Variants in FOXK2 observed in about 807,000 individuals in gnomAD.
The protein encoded by FOXK2 is forkhead box protein K2.
In FOXK2, 24 loss-of-function variants were observed where a neutral mutation model predicts 53.3. The ratio of observed to expected loss-of-function variants is 0.45; its 90% CI spans 0.33 to 0.63. The LOEUF (loss-of-function observed/expected upper bound fraction) is 0.63, where lower values mean the gene tolerates loss of function less well. Among genes scored for constraint, FOXK2 ranks in the 30% least tolerant of loss-of-function variants. The pLI is 0.03. For missense variants in FOXK2, 952 were observed against 910.5 expected (o/e 1.05, Z -0.59); for synonymous variants, 505 against 407.1 (o/e 1.24, Z -2.89).
chr17:82,564,384 T>TTTTG (rs796416861), intron 2 of FOXK2, among the ~76,000 whole-genome samples: 2 of 121,474 alleles, frequency 1.6e-5, no homozygotes, highest in South Asian at 3.1e-4. Context: ...GCTGGTTTTT[T>TTTTG]TTTGTTTGTT....
chr17:82,558,413 C>T (rs2044755599), intron 1 of FOXK2, among the ~76,000 whole-genome samples: 1 of 152,202 alleles, frequency 6.6e-6, no homozygotes, highest in Admixed American at 6.5e-5. Context: ...GGAGAGCACT[C>T]AGCCGGGTCT....
At chr17:82,567,820 A>G (rs2044868403) in intron 2 of FOXK2, among the ~76,000 whole-genome samples, 1 of 152,038 alleles carries the variant, frequency 6.6e-6, no homozygotes, top group Non-Finnish European at 1.5e-5. Context: ...GCTGACGTTT[A>G]TAGAAGCAAA....
At chr17:82,582,286 G>A (rs769519993) in intron 4 of FOXK2, among the ~76,000 whole-genome samples, 1 of 152,122 alleles carries the variant, frequency 6.6e-6, no homozygotes, top group Non-Finnish European at 1.5e-5. Context: ...CTCTGTCTGC[G>A]CTGTGTGGAT....
At chr17:82,567,065 C>CT (rs1372727309) in intron 2 of FOXK2, among the ~76,000 whole-genome samples, 1 of 152,148 alleles carries the variant, frequency 6.6e-6, no homozygotes, top group Non-Finnish European at 1.5e-5. Context: ...CTAAGAAGCA[C>CT]TGCAGAGGGT....
intron 3 of FOXK2, among the ~76,000 whole-genome samples, chr17:82,568,559 A>T (rs1207794718): frequency 2.0e-5 from 3 of 152,142 alleles, no homozygotes; most frequent in African/African-American, 7.2e-5. Flanking sequence ...ATGCAAATGC[A>T]CACCCTGCCA....
At chr17:82,523,535 T>C (rs2044387843) in intron 1 of FOXK2, among the ~76,000 whole-genome samples, 1 of 151,708 alleles carries the variant, frequency 6.6e-6, no homozygotes, top group East Asian at 1.9e-4. Flanking sequence ...TGCAATGGTA[T>C]GATCTCGGCT....
intron 1 of FOXK2, among the ~76,000 whole-genome samples, chr17:82,552,410 G>C (rs1003599990): frequency 6.6e-6 from 1 of 152,030 alleles, no homozygotes; most frequent in Admixed American, 6.6e-5. Flanking sequence ...GAACTGCTAT[G>C]GCAACTGTGT....
At chr17:82,542,385 G>A (rs568677348) in intron 1 of FOXK2, among the ~76,000 whole-genome samples, 2 of 152,080 alleles carry the variant, frequency 1.3e-5, no homozygotes, top group Admixed American at 6.6e-5. Context: ...GGCTGGTCTC[G>A]AACTCCTGAA....
At chr17:82,582,407 G>C (rs771219774) in intron 4 of FOXK2, among the ~76,000 whole-genome samples, 4 of 152,180 alleles carry the variant, frequency 2.6e-5, no homozygotes, top group Non-Finnish European at 5.9e-5. Flanking sequence ...GGGCTGAAGG[G>C]CTCAAACCCC....
intron 8 of FOXK2, among the ~76,000 whole-genome samples, chr17:82,591,139 C>T (rs1337834352): frequency 1.3e-5 from 2 of 152,128 alleles, no homozygotes; most frequent in Non-Finnish European, 2.9e-5. Context: ...CCTTGCAGGA[C>T]AGCAGGTGGC....
At chr17:82,582,337 G>A (rs1245070941) in intron 4 of FOXK2, among the ~76,000 whole-genome samples, 1 of 152,110 alleles carries the variant, frequency 6.6e-6, no homozygotes, top group Non-Finnish European at 1.5e-5. Flanking sequence ...CCTGCCTCCC[G>A]GGGCCCGTTC....
intron 1 of FOXK2, among the ~76,000 whole-genome samples, chr17:82,554,136 G>A (rs1489193585): frequency 6.6e-6 from 1 of 152,140 alleles, no homozygotes; most frequent in Non-Finnish European, 1.5e-5. Flanking sequence ...GTGGCCTCAA[G>A]TACTTTTTTG....
chr17:82,529,595 A>G (rs2144048447), intron 1 of FOXK2, among the ~76,000 whole-genome samples: 1 of 152,224 alleles, frequency 6.6e-6, no homozygotes. Flanking sequence ...CATGTTGGCC[A>G]GGCTGATCTC....
chr17:82,530,571 C>T (rs1267129053), intron 1 of FOXK2, among the ~76,000 whole-genome samples: 13 of 139,302 alleles, frequency 9.3e-5, no homozygotes, highest in South Asian at 9.2e-4. Flanking sequence ...AGTGCAGTGG[C>T]GCCATCTCAG....
chr17:82,591,268 A>T (rs980163188), intron 8 of FOXK2, among the ~76,000 whole-genome samples: 1 of 151,976 alleles, frequency 6.6e-6, no homozygotes, highest in Non-Finnish European at 1.5e-5. Context: ...TCCTGCTTCC[A>T]TAGGGGTCTC....
intron 8 of FOXK2, chr17:82,599,780 G>A (rs1168457341): frequency 1.3e-5 from 2 of 152,310 alleles, no homozygotes; most frequent in Non-Finnish European, 2.9e-5. Context: ...CCCTGCAGGG[G>A]ACTGCGAGTA....
chr17:82,596,834 C>A lies in FOXK2; in HGVS notation c.1787-4469C>A, dbSNP rs184257617. Among the ~76,000 whole-genome samples, 40 of 152,304 alleles carry A rather than the reference C, an allele frequency of 2.6e-4. 1 individual carries two copies. In the East Asian group the frequency reaches 4.5e-3, roughly 17 times the overall value. On this transcript the variant is annotated intron_variant, in intron 8 of 8. Coordinates refer to ENST00000335255, the MANE Select transcript of FOXK2 (RefSeq NM_004514.4). ...GTTTGTTTTATTCCACAGACCACCC[C>A]CTCCCCATCTTCTCACCTACTTCAG...
chr17:82,532,213 C>T (rs1460153354), intron 1 of FOXK2, among the ~76,000 whole-genome samples: 1 of 151,434 alleles, frequency 6.6e-6, no homozygotes, highest in Non-Finnish European at 1.5e-5. Flanking sequence ...GGCGCGTTCT[C>T]GGCTCACTGC....
At chr17:82,545,847 G>A (rs1291671161) in intron 1 of FOXK2, among the ~76,000 whole-genome samples, 1 of 152,032 alleles carries the variant, frequency 6.6e-6, no homozygotes, top group East Asian at 1.9e-4. Context: ...CTCCCAAAGT[G>A]CTGGGATTAC....
Sources: allele counts gnomAD v4.1 joint callset (sites outside exome capture counted in the v4.1 genomes callset), GRCh38; gene constraint gnomAD v4.1.1; transcripts MANE v1.5; gene names NCBI Gene and HGNC (gene_info 2026-07-23, HGNC 2026-07-21).